The following GRIK5 variants were observed in gnomAD, a reference collection of about 807,000 sequenced individuals.
GRIK5 encodes the protein glutamate receptor ionotropic, kainate 5.
In GRIK5, 43 loss-of-function variants were observed where a neutral mutation model predicts 97.4. The observed-to-expected ratio is 0.44, with a 90% CI of 0.35 to 0.57. The LOEUF is 0.57. Ranked by LOEUF, GRIK5 falls within the 20% of genes least tolerant of loss-of-function variation. GRIK5 has a pLI of 0.01. For missense variants in GRIK5, 1,015 were observed against 1,382.0 expected (o/e 0.73, Z 4.21); for synonymous variants, 580 against 583.5 (o/e 0.99, Z 0.09).
rs1484645135 is a variant in GRIK5 at position 42,053,229 on chromosome 19, TCGCC to T, written c.1269+369_1269+372del. Among the ~76,000 whole-genome samples, 25 of 152,264 alleles carry T rather than the reference TCGCC, an allele frequency of 1.6e-4. No homozygotes were observed. The South Asian group carries it at 4.8e-3, about 29-fold the overall frequency. ...TGCTTGCTGTGTGACCCTGGGCAAGTCGCCTCCCCTCTCTGAGCCTCAGTTTCCA... is the reference window on the plus strand; with the variant it reads ...TGCTTGCTGTGTGACCCTGGGCAAGTTCCCCTCTCTGAGCCTCAGTTTCCA... On this transcript the variant is annotated intron_variant, in intron 11 of 19. Coordinates refer to ENST00000593562, the MANE Select transcript of GRIK5 (RefSeq NM_002088.5).
rs780597480 is a variant in GRIK5, at chr19:42,053,882, C to T, written c.1104G>A (p.Gly368=). ...TGCGCAGGGTGTAGTTGGTTCTCTG[C>T]CCTTTGCTGTTGAACTCGACCCGCC... ...LTGRVEFNSK[G]QRTNYTLRIL... is the part of the protein sequence containing the mutation. The change falls in exon 10 of 20, where the codon GGG becomes GGA. Residue 368 remains glycine (G), a synonymous_variant. Coordinates refer to ENST00000593562, the MANE Select transcript of GRIK5 (RefSeq NM_002088.5). 2.5e-6 allele frequency: 4 copies of T among 1,614,062 alleles called. No individual in the cohort carries two copies. Among genetic ancestry groups the T allele is most frequent in the South Asian group, 2.2e-5 (2 of 91,080 alleles).
At position 42,062,984 on chromosome 19, in the gene GRIK5, T is replaced by C. The variant is rs1366438786; in HGVS notation, c.245-129A>G. On this transcript the variant is annotated intron_variant, in intron 3 of 19. Transcript: ENST00000593562. This position sits in a 1 kb window ranked among gnomAD's most constrained non-coding sequence, Gnocchi z 5.3. Reference sequence around the variant, plus strand: ...GCAACTGCCTGATCCTCTTCTGCCATCCGGGACCCAGAAGGCCAGTCTCTG... The same window carrying C: ...GCAACTGCCTGATCCTCTTCTGCCACCCGGGACCCAGAAGGCCAGTCTCTG... The C allele has an allele frequency of 5.8e-6, 4 of 683,892 alleles. No individual in the cohort carries two copies. Among genetic ancestry groups the C allele is most frequent in the East Asian group, 5.4e-5 (2 of 36,942 alleles). The allele number at this position is 683,892 out of a possible 1,614,324, so 42.4% of individuals were successfully genotyped here.
intron 12 of GRIK5, among the ~76,000 whole-genome samples, chr19:42,025,987 C>T (rs1351957229): frequency 1.3e-5 from 2 of 152,086 alleles, no homozygotes; most frequent in African/African-American, 4.8e-5. Context: ...AATGACTCTG[C>T]TTGTTTGTAT....
rs2076315690 is a variant in GRIK5, at chr19:42,065,326, G to A, written c.141C>T (p.Ala47=). The change falls in exon 3 of 20, where the codon GCC becomes GCT. Residue 47 remains alanine, a synonymous_variant. Transcript: ENST00000593562. This position sits in a 1 kb window ranked among gnomAD's most constrained non-coding sequence, Gnocchi z 5.8. ...CGATGATCCCGTTGATCTGCTCCCGGGCCAAGGCCAAGGCCAGACGCTCAC... is the reference window on the plus strand; with the variant it reads ...CGATGATCCCGTTGATCTGCTCCCGAGCCAAGGCCAAGGCCAGACGCTCAC... ...GRGERLALAL[A]REQINGIIEV... is the part of the protein sequence containing the mutation. 1.2e-6 allele frequency: 2 copies of A among 1,610,346 alleles called. No individual in the cohort carries two copies. The highest frequency in any genetic ancestry group is 1.3e-5 in the African/African-American group (1 of 75,028).
At chr19:42,044,985 C>A (rs2076025025) in intron 11 of GRIK5, among the ~76,000 whole-genome samples, 1 of 152,176 alleles carries the variant, frequency 6.6e-6, no homozygotes, top group African/African-American at 2.4e-5. Context: ...TATTGAGAAA[C>A]TGTGCTGTGC....
chr19:42,005,769 G>T lies in GRIK5; in HGVS notation c.2217C>A (p.Ile739=). Residue 739 remains isoleucine (I), a synonymous_variant, in exon 17 of 20, where the codon ATC becomes ATA. Transcript: ENST00000593562. ...HRRLNCNLTQ[I]GGLLDTKGYG... ...AGCCCTTGGTGTCGAGGAGTCCCCC[G>T]ATCTGGGTGAGGTTGCAGTTGAGGC... is the stretch of plus-strand genomic sequence containing the variant. 6.2e-7 allele frequency: 1 copy of T among 1,614,056 alleles called. No homozygotes were observed. Among genetic ancestry groups the T allele is most frequent in the Non-Finnish European group, 8.5e-7 (1 of 1,179,906 alleles).
chr19:42,019,080 G>A (rs1397101025), intron 15 of GRIK5, among the ~76,000 whole-genome samples: 1 of 152,210 alleles, frequency 6.6e-6, no homozygotes. Context: ...GCGATGGGAA[G>A]GGGCAGAAAA....
Position 42,054,061 on chromosome 19 carries a change from A to T in GRIK5, c.1057-132T>A, listed in dbSNP as rs577628935. 3.4e-5 allele frequency: 23 copies of T among 676,194 alleles called. No individual in the cohort carries two copies. The South Asian group carries it at 3.9e-4, about 11-fold the overall frequency. 41.9% of individuals were successfully genotyped at this position (676,194 alleles called of 1,614,324 possible). A position where few individuals can be genotyped will look rare whatever the true frequency, so the allele number is the denominator to read the frequency against. ...GGGTGGAGGGGACAAGAGAGAGAAG[A>T]GGAAGATCACAGTCAAAAGAGCAAG... On this transcript the variant is annotated intron_variant, in intron 9 of 19. Transcript: ENST00000593562.
intron 12 of GRIK5, among the ~76,000 whole-genome samples, chr19:42,039,115 A>C (rs1017267616): frequency 2.0e-5 from 3 of 151,814 alleles, no homozygotes; most frequent in Non-Finnish European, 4.4e-5. Context: ...TTATCTCCTC[A>C]CTGGTCTTCC....
At chr19:42,056,356 A>G (rs570677563) in intron 8 of GRIK5, among the ~76,000 whole-genome samples, 2 of 152,258 alleles carry the variant, frequency 1.3e-5, no homozygotes, top group East Asian at 3.9e-4. Context: ...GCAATGTCCT[A>G]GTGATGGGGA....
rs142443245 is a variant in GRIK5 at position 42,053,810 on chromosome 19, C to T, written c.1161+15G>A. On this transcript the variant is annotated intron_variant, in intron 10 of 19. Transcript: ENST00000593562. Reference sequence around the variant, plus strand: ...CACCCCAGCAGGGCTCTGGCGTCACCCTGGGTCTGCTCACCTCACGGTGGC... The same window carrying T: ...CACCCCAGCAGGGCTCTGGCGTCACTCTGGGTCTGCTCACCTCACGGTGGC... The T allele has an allele frequency of 2.4e-4, 379 of 1,597,940 alleles. 2 individuals carry two copies. The Middle Eastern group carries it at 5.3e-3, about 22-fold the overall frequency.
intron 11 of GRIK5, among the ~76,000 whole-genome samples, chr19:42,046,324 C>T (rs1343967517): frequency 2.0e-5 from 3 of 152,068 alleles, no homozygotes; most frequent in African/African-American, 7.2e-5. Flanking sequence ...ATTAGATAAC[C>T]GTAATCTAGG....
At chr19:42,008,534 C>T (rs575086034) in intron 15 of GRIK5, among the ~76,000 whole-genome samples, 1 of 151,798 alleles carries the variant, frequency 6.6e-6, no homozygotes, top group African/African-American at 2.4e-5. Flanking sequence ...GGCTGAGGCA[C>T]GAGAATCGTT....
At chr19:42,048,231 A>G (rs2076067537) in intron 11 of GRIK5, among the ~76,000 whole-genome samples, 1 of 152,232 alleles carries the variant, frequency 6.6e-6, no homozygotes, top group African/African-American at 2.4e-5. Flanking sequence ...TTTATCCAAA[A>G]TATACTACTG....
intron 3 of GRIK5, among the ~76,000 whole-genome samples, chr19:42,064,442 A>G (rs1184336596): frequency 1.3e-5 from 2 of 151,358 alleles, no homozygotes; most frequent in Non-Finnish European, 2.9e-5. Context: ...TCTTGGCTCC[A>G]AATACTTCCC....
intron 12 of GRIK5, among the ~76,000 whole-genome samples, chr19:42,030,386 T>C (rs1274758846): frequency 1.3e-5 from 2 of 152,084 alleles, no homozygotes; most frequent in East Asian, 3.9e-4. Context: ...TTCACTGTGT[T>C]GGCCAGGTGA....
At position 42,003,225 on chromosome 19, in the gene GRIK5, C is replaced by T. The variant is rs1026757584; in HGVS notation, c.2514+107G>A. 1.2e-5 allele frequency: 12 copies of T among 1,022,982 alleles called. No homozygotes were observed. The highest frequency in any genetic ancestry group is 5.8e-5 in the Admixed American group (3 of 51,356). The allele number at this position is 1,022,982 out of a possible 1,614,324, so 63.4% of individuals were successfully genotyped here. A position where few individuals can be genotyped will look rare whatever the true frequency, so the allele number is the denominator to read the frequency against. ...CTCCTGCATTCCTCTGCCCCCTTCT[C>T]GCGATCCCCACCACCCTCCAGGTAT... On this transcript the variant is annotated intron_variant, in intron 19 of 19. Transcript: ENST00000593562. The surrounding 1 kb of genome is among the most constrained non-coding windows in gnomAD (Gnocchi z 4.2).
At chr19:42,032,213 T>C (rs2075848231) in intron 12 of GRIK5, among the ~76,000 whole-genome samples, 1 of 152,254 alleles carries the variant, frequency 6.6e-6, no homozygotes, top group African/African-American at 2.4e-5. Flanking sequence ...AAATAAATTA[T>C]GGTACATCCA....
rs900289473 is a variant in GRIK5 at position 42,065,406 on chromosome 19, T to G, written c.80-19A>C. 4.5e-6 allele frequency: 7 copies of G among 1,565,226 alleles called. No individual in the cohort carries two copies. The highest frequency in any genetic ancestry group is 6.1e-6 in the Non-Finnish European group (7 of 1,154,000). ...ATTGCAGCTGAGGGGACACATGGGT[T>G]GGGGACCAGACTCCTGAGTCCTGAG... On this transcript the variant is annotated intron_variant, in intron 2 of 19. Coordinates refer to ENST00000593562, the MANE Select transcript of GRIK5 (RefSeq NM_002088.5). The surrounding 1 kb of genome is among the most constrained non-coding windows in gnomAD (Gnocchi z 5.8).
Sources: gnomAD v4.1 joint callset for allele counts (sites outside exome capture counted in the v4.1 genomes callset) on GRCh38, gnomAD v4.1.1 for gene constraint, Gnocchi (gnomAD v3.1) non-coding constraint, MANE v1.5 for transcripts, NCBI Gene and HGNC (gene_info 2026-07-23, HGNC 2026-07-21) for gene names.